The following AFF3 variants were observed in gnomAD, a reference collection of about 807,000 sequenced individuals.
The protein encoded by AFF3 is ALF transcription elongation factor 3.
AFF3 carries 32 observed loss-of-function variants against 129.7 expected under a neutral mutation model. The observed-to-expected ratio is 0.25, with a 90% CI of 0.19 to 0.33. The LOEUF is 0.33. AFF3 is among the 10% of genes least tolerant of loss of function. The pLI is 1.00. For missense variants in AFF3, 1,373 were observed against 1,592.0 expected (o/e 0.86, Z 2.34); for synonymous variants, 644 against 635.4 (o/e 1.01, Z -0.20).
chr2:99,569,671 C>T (rs935767541), intron 18 of AFF3, among the ~76,000 whole-genome samples: 2 of 152,102 alleles, frequency 1.3e-5, no homozygotes, highest in Admixed American at 1.3e-4. Flanking sequence ...CCCAGTTACG[C>T]TAAGGTACTC....
chr2:99,720,908 T>C (rs1678831808), intron 11 of AFF3, among the ~76,000 whole-genome samples: 2 of 152,230 alleles, frequency 1.3e-5, no homozygotes, highest in African/African-American at 4.8e-5. Context: ...TGTAAAAACT[T>C]TGCAGTTGTG....
intron 20 of AFF3, 30 bp from the exon 21 acceptor site, chr2:99,560,466 T>TA (rs1250867200): frequency 1.9e-6 from 3 of 1,586,314 alleles, no homozygotes; most frequent in Non-Finnish European, 2.6e-6. Flanking sequence ...AGGAATAGAA[T>TA]AAAAAACATA....
chr2:99,951,626 AC>A (rs1676173408), intron 7 of AFF3, among the ~76,000 whole-genome samples: 1 of 152,178 alleles, frequency 6.6e-6, no homozygotes, highest in African/African-American at 2.4e-5. Flanking sequence ...ATTAGTAAAT[AC>A]TGTCATATTA....
intron 7 of AFF3, among the ~76,000 whole-genome samples, chr2:99,992,482 C>T (rs1680445072): frequency 6.6e-6 from 1 of 152,192 alleles, no homozygotes; most frequent in South Asian, 2.1e-4. Context: ...ATACTTACTT[C>T]AATCAAATTT....
At chr2:99,895,396 C>G (rs1693863558) in intron 7 of AFF3, among the ~76,000 whole-genome samples, 1 of 152,108 alleles carries the variant, frequency 6.6e-6, no homozygotes, top group Admixed American at 6.5e-5. Flanking sequence ...AGAAGTGTGT[C>G]TTTGATTTTA....
chr2:99,623,460 C>T lies in AFF3; in HGVS notation c.1185-21839G>A, dbSNP rs76425246. ...AGGATCCCACGGGTATCTGGAGGCT[C>T]GCCCTGCAATTTAGCATGTGCAAGG... On this transcript the variant is annotated intron_variant, in intron 13 of 24. Coordinates refer to ENST00000672756, the MANE Select transcript of AFF3 (RefSeq NM_001386135.1). Among the ~76,000 whole-genome samples the T allele has an allele frequency of 1.0e-3, 158 of 152,308 alleles. 2 individuals carry two copies. Among genetic ancestry groups the T allele is most frequent in the African/African-American group, 3.7e-3 (152 of 41,570 alleles).
chr2:99,596,635 TC>T (rs3838578), intron 14 of AFF3, among the ~76,000 whole-genome samples: 74,429 of 151,916 alleles, frequency 0.49, 18,254 homozygotes, highest in East Asian at 0.65. Flanking sequence ...ACACTAGTTC[TC>T]CCTCACTGCT....
chr2:99,937,836 G>C (rs1430521180), intron 7 of AFF3, among the ~76,000 whole-genome samples: 1 of 152,174 alleles, frequency 6.6e-6, no homozygotes, highest in African/African-American at 2.4e-5. Flanking sequence ...GAATGTCCTG[G>C]AACATTCAGA....
intron 16 of AFF3, among the ~76,000 whole-genome samples, chr2:99,585,142 T>C (rs370147807): frequency 6.6e-6 from 1 of 152,208 alleles, no homozygotes; most frequent in African/African-American, 2.4e-5. Context: ...CTGATTATAA[T>C]TGTTTCTCGA....
intron 8 of AFF3, among the ~76,000 whole-genome samples, chr2:99,761,117 C>T (rs1352643059): frequency 6.6e-6 from 1 of 151,716 alleles, no homozygotes. Flanking sequence ...TCTGCCTCAA[C>T]ACAGCATCGC....
chr2:100,043,512 C>T (rs950638766), intron 4 of AFF3, among the ~76,000 whole-genome samples: 2 of 151,704 alleles, frequency 1.3e-5, no homozygotes, highest in African/African-American at 2.4e-5. Context: ...ACTGTAATAT[C>T]GAAAAAGATG....
At chr2:99,563,269 C>A (rs185904073) in intron 20 of AFF3, among the ~76,000 whole-genome samples, 2 of 151,590 alleles carry the variant, frequency 1.3e-5, no homozygotes, top group African/African-American at 2.4e-5. Flanking sequence ...TGGCTCACTG[C>A]GAGCTCCGCC....
chr2:99,579,417 A>T (rs10203391), intron 17 of AFF3, among the ~76,000 whole-genome samples: 32,365 of 148,350 alleles, frequency 0.22, 3,902 homozygotes, highest in East Asian at 0.37. Flanking sequence ...AAAAAAAAAA[A>T]AAATAAATAA....
Position 100,104,704 on chromosome 2 carries a change from G to A in AFF3, c.-64-186C>T, listed in dbSNP as rs868025820. ...CTTGCGCGCAGGCACACTCAAGAGA[G>A]AGCAGCGAGCTCGCCGCGCCGCCGC... On this transcript the variant is annotated intron_variant, in intron 3 of 24. Coordinates refer to ENST00000672756, the MANE Select transcript of AFF3 (RefSeq NM_001386135.1). 9.8e-5 allele frequency: 95 copies of A among 967,764 alleles called. No individual in the cohort carries two copies. The Middle Eastern group carries it at 2.7e-3, about 27-fold the overall frequency. 59.9% of individuals were successfully genotyped at this position (967,764 alleles called of 1,614,324 possible).
At chr2:99,672,186 A>C (rs1443006769) in intron 12 of AFF3, among the ~76,000 whole-genome samples, 1 of 23,260 alleles carries the variant, frequency 4.3e-5, no homozygotes. Flanking sequence ...TCTCACACAC[A>C]CACACACACA....
intron 10 of AFF3, among the ~76,000 whole-genome samples, chr2:99,733,519 T>G (rs1680010627): frequency 6.6e-6 from 1 of 152,126 alleles, no homozygotes; most frequent in Admixed American, 6.5e-5. Context: ...ATTTTCTTTA[T>G]TTGACACTTT....
At chr2:99,829,437 C>T (rs1435273254) in intron 8 of AFF3, among the ~76,000 whole-genome samples, 1 of 151,904 alleles carries the variant, frequency 6.6e-6, no homozygotes, top group Non-Finnish European at 1.5e-5. Flanking sequence ...AACGTATTTA[C>T]AAGAAAAAAA....
At chr2:99,595,670 A>G (rs1269869506) in intron 14 of AFF3, among the ~76,000 whole-genome samples, 1 of 152,186 alleles carries the variant, frequency 6.6e-6, no homozygotes, top group Non-Finnish European at 1.5e-5. Flanking sequence ...TAAGAGCAGA[A>G]CTCAGGGCTC....
rs117975520 is a variant in AFF3 at position 100,119,900 on chromosome 2, G to A, written c.-145+9324C>T. On this transcript the variant is annotated intron_variant, in intron 2 of 24. Coordinates refer to ENST00000672756, the MANE Select transcript of AFF3 (RefSeq NM_001386135.1). The stretch of plus-strand genomic sequence containing the variant: ...GGAATGTCTAACAGTGAATAAGTCT[G>A]TAGTTATTAACAGAATCGCTCTGTT... Among the ~76,000 whole-genome samples the A allele has an allele frequency of 4.5e-4, 69 of 152,290 alleles. No homozygotes were observed. In the East Asian group the frequency reaches 0.012, roughly 27 times the overall value.
Sources: gnomAD v4.1 joint callset for allele counts (sites outside exome capture counted in the v4.1 genomes callset) on GRCh38, gnomAD v4.1.1 for gene constraint, MANE v1.5 for transcripts, NCBI Gene and HGNC (gene_info 2026-07-23, HGNC 2026-07-21) for gene names.